Variants in TMEM131L observed in about 807,000 individuals in gnomAD.
The protein encoded by TMEM131L is transmembrane 131 like.
Under a neutral mutation model 192.2 loss-of-function variants are expected in TMEM131L, and 54 were observed. The ratio of observed to expected loss-of-function variants is 0.28; its 90% confidence interval spans 0.23 to 0.35. The LOEUF (loss-of-function observed/expected upper bound fraction) is 0.35, where lower values mean the gene tolerates loss of function less well. Ranked by LOEUF, TMEM131L falls within the 10% of genes least tolerant of loss-of-function variation. The pLI is 1.00. For synonymous variants in TMEM131L, 701 were observed against 704.9 expected, an observed-to-expected ratio of 0.99 and a Z score of 0.09; for missense variants, 1,888 against 1,972.9, an observed-to-expected ratio of 0.96 and a Z score of 0.82.
intron 3 of TMEM131L, among the ~76,000 whole-genome samples, chr4:153,537,251 C>CT (rs1425354428): frequency 2.0e-5 from 3 of 152,150 alleles, no homozygotes; most frequent in Admixed American, 1.3e-4. Context: ...TTAACTCCAC[C>CT]TTTGTAGATT....
chr4:153,634,906 A>G (rs1734465780), intron 33 of TMEM131L, among the ~76,000 whole-genome samples: 1 of 152,202 alleles, frequency 6.6e-6, no homozygotes, highest in Non-Finnish European at 1.5e-5. Flanking sequence ...TATCATTCTT[A>G]TCTAGATTTT....
At chr4:153,617,239 A>C (rs1210315812) in intron 26 of TMEM131L, among the ~76,000 whole-genome samples, 1 of 152,066 alleles carries the variant, frequency 6.6e-6, no homozygotes, top group Non-Finnish European at 1.5e-5. Flanking sequence ...CCTGCCTTTC[A>C]CCTTCTGCCA....
intron 3 of TMEM131L, among the ~76,000 whole-genome samples, chr4:153,513,461 G>T (rs1338243986): frequency 6.6e-6 from 1 of 152,100 alleles, no homozygotes; most frequent in African/African-American, 2.4e-5. Flanking sequence ...TCAAATTTTT[G>T]AGCACTTTAG....
At chr4:153,531,955 C>G (rs557362954) in intron 3 of TMEM131L, among the ~76,000 whole-genome samples, 1 of 152,308 alleles carries the variant, frequency 6.6e-6, no homozygotes, top group South Asian at 2.1e-4. Context: ...TCTTCTGGCC[C>G]TTTTAAGGTG....
chr4:153,547,122 C>CTTA (rs1269929344), intron 3 of TMEM131L, among the ~76,000 whole-genome samples: 1 of 152,062 alleles, frequency 6.6e-6, no homozygotes, highest in Non-Finnish European at 1.5e-5. Flanking sequence ...AGAAAAATAA[C>CTTA]TTATTTTATG....
chr4:153,611,773 A>G (rs1311076730), intron 25 of TMEM131L, among the ~76,000 whole-genome samples: 1 of 152,204 alleles, frequency 6.6e-6, no homozygotes, highest in Non-Finnish European at 1.5e-5. Context: ...TGATGTCTTC[A>G]AGGTTCATCC....
At chr4:153,554,144 A>G (rs1286815883) in intron 4 of TMEM131L, 1 of 152,178 alleles carries the variant, frequency 6.6e-6, no homozygotes, top group African/African-American at 2.4e-5. Flanking sequence ...GATTGATATT[A>G]TTTACTTGAA....
At chr4:153,517,084 C>T (rs1026426888) in intron 3 of TMEM131L, among the ~76,000 whole-genome samples, 5 of 152,142 alleles carry the variant, frequency 3.3e-5, no homozygotes, top group Admixed American at 6.5e-5. Context: ...CTCGGCCTCC[C>T]GGAGTGCTGG....
chr4:153,540,152 A>C, intron 3 of TMEM131L, among the ~76,000 whole-genome samples: 1 of 151,280 alleles, frequency 6.6e-6, no homozygotes, highest in South Asian at 2.1e-4. Context: ...ACCCCAAAAC[A>C]AAAAACATCT....
At chr4:153,535,511 G>A (rs1344427779) in intron 3 of TMEM131L, among the ~76,000 whole-genome samples, 2 of 152,102 alleles carry the variant, frequency 1.3e-5, no homozygotes, top group African/African-American at 2.4e-5. Context: ...GGGTGGTAGA[G>A]GAGACTGAGA....
At chr4:153,607,448 A>T (rs1167164667) in intron 25 of TMEM131L, among the ~76,000 whole-genome samples, 1 of 152,192 alleles carries the variant, frequency 6.6e-6, no homozygotes, top group Non-Finnish European at 1.5e-5. Flanking sequence ...ATAGCTGAGA[A>T]TCCTAAGTGC....
At chr4:153,586,780 T>C (rs895390865) in intron 14 of TMEM131L, among the ~76,000 whole-genome samples, 2 of 152,208 alleles carry the variant, frequency 1.3e-5, no homozygotes, top group East Asian at 3.8e-4. Flanking sequence ...TAAGTGACTC[T>C]TAGTTGCTCG....
At chr4:153,480,476 C>T (rs893639200) in intron 3 of TMEM131L, among the ~76,000 whole-genome samples, 20 of 143,856 alleles carry the variant, frequency 1.4e-4, no homozygotes, top group African/African-American at 4.7e-4. Context: ...GCTGAGATCG[C>T]GCAACTGCAC....
chr4:153,479,705 T>C (rs1204823126), intron 3 of TMEM131L, among the ~76,000 whole-genome samples: 2 of 152,352 alleles, frequency 1.3e-5, no homozygotes, highest in Middle Eastern at 3.4e-3. Context: ...CAGCAAAATG[T>C]GTTCTCCTGA....
rs1731921082 is a variant in TMEM131L, at chr4:153,602,612, T to C, written c.2524T>C (p.Phe842Leu). The C allele has an allele frequency of 5.0e-6, 8 of 1,614,100 alleles. No individual in the cohort carries two copies. The highest frequency in any genetic ancestry group is 6.8e-6 in the Non-Finnish European group (8 of 1,179,984). The stretch of plus-strand genomic sequence containing the variant: ...TCTTGTAACCGCAGCGGACCTAGAA[T>C]TTCGCTTCACTCTCAATGTGACTCT... ...LSLVTAADLEFRFTLNVTLPH... is the reference protein window; with the variant it reads ...LSLVTAADLELRFTLNVTLPH... The change falls in exon 23 of 35, where the codon TTT (phenylalanine) becomes CTT (leucine). Residue 842 changes from phenylalanine (F) to leucine (L), a missense_variant. Transcript: ENST00000409959.
intron 2 of TMEM131L, among the ~76,000 whole-genome samples, chr4:153,471,670 A>G (rs1156884132): frequency 1.3e-5 from 2 of 152,222 alleles, no homozygotes; most frequent in African/African-American, 4.8e-5. Flanking sequence ...CTTGGTTAGC[A>G]GGTTTGGGAA....
chr4:153,536,367 G>A (rs2014511), intron 3 of TMEM131L, among the ~76,000 whole-genome samples: 7,777 of 152,288 alleles, frequency 0.051, 394 homozygotes, highest in East Asian at 0.23. Context: ...AACTCTTCAT[G>A]TATGATTTGC....
intron 3 of TMEM131L, among the ~76,000 whole-genome samples, chr4:153,500,526 A>G (rs1479626635): frequency 1.3e-5 from 2 of 152,212 alleles, no homozygotes; most frequent in Non-Finnish European, 2.9e-5. Flanking sequence ...TATTTTAATG[A>G]AGCCCAAGAT....
Position 153,536,710 on chromosome 4 carries a change from GTCTA to G in TMEM131L, c.240-13355_240-13352del, listed in dbSNP as rs777949181. 3.2e-4 allele frequency among the ~76,000 whole-genome samples: 47 copies of G among 148,388 alleles called. 1 individual carries two copies. In the East Asian group the frequency reaches 4.1e-3, roughly 13 times the overall value. Reference sequence around the variant, plus strand: ...AGCTATCTGTCTTGTCTGTCTGTCTGTCTATCTATCTCCCTCCCTCCCTCCCTCC... The same window carrying G: ...AGCTATCTGTCTTGTCTGTCTGTCTGTCTATCTCCCTCCCTCCCTCCCTCC... On this transcript the variant is annotated intron_variant, in intron 3 of 34. Coordinates refer to ENST00000409959, the MANE Select transcript of TMEM131L (RefSeq NM_001131007.2).
Sources: gnomAD v4.1 joint callset for allele counts (sites outside exome capture counted in the v4.1 genomes callset) on GRCh38, gnomAD v4.1.1 for gene constraint, MANE v1.5 for transcripts, NCBI Gene and HGNC (gene_info 2026-07-23, HGNC 2026-07-21) for gene names.